Variants in PLCG2 observed in about 807,000 individuals in gnomAD.
PLCG2 encodes the protein 1-phosphatidylinositol 4,5-bisphosphate phosphodiesterase gamma-2.
PLCG2 carries 69 observed loss-of-function variants against 175.6 expected under a neutral mutation model. The observed-to-expected ratio is 0.39, with a 90% CI of 0.32 to 0.48. The LOEUF (loss-of-function observed/expected upper bound fraction) is 0.48. PLCG2 is among the 20% of genes least tolerant of loss of function. PLCG2 has a pLI of 0.91. For missense variants in PLCG2, 1,798 were observed against 1,650.9 expected (o/e 1.09, Z -1.54); for synonymous variants, 827 against 624.0 (o/e 1.33, Z -4.85).
At chr16:81,940,359 T>G (rs921078516) in intron 30 of PLCG2, among the ~76,000 whole-genome samples, 2 of 152,176 alleles carry the variant, frequency 1.3e-5, no homozygotes, top group African/African-American at 4.8e-5. Context: ...ACATGCGGTT[T>G]GCTTCTCCCT....
chr16:81,958,067 C>A lies in PLCG2; in HGVS notation c.*69C>A. 9.2e-7 allele frequency: 1 copy of A among 1,087,120 alleles called. No individual in the cohort carries two copies. The highest frequency in any genetic ancestry group is 1.4e-6 in the Non-Finnish European group (1 of 702,436). The allele number at this position is 1,087,120 out of a possible 1,614,324, so 67.3% of individuals were successfully genotyped here. On this transcript the variant is annotated 3_prime_UTR_variant, in exon 33 of 33. Transcript: ENST00000564138. ...GTGTTTGCATGTAGGAGAACGTGCC[C>A]TATTCACACTCTGGGAAGACGCTAA...
chr16:81,803,792 G>A (rs947138496), intron 2 of PLCG2, among the ~76,000 whole-genome samples: 4 of 151,124 alleles, frequency 2.6e-5, no homozygotes, highest in Non-Finnish European at 4.4e-5. Flanking sequence ...AGTGATTCTC[G>A]TGCCTCAGCC....
At position 81,927,173 on chromosome 16, in the gene PLCG2, A is replaced by C; in HGVS notation, c.2509A>C (p.Lys837Gln). The C allele has an allele frequency of 6.2e-7, 1 of 1,608,106 alleles. No individual in the cohort carries two copies. Among genetic ancestry groups the C allele is most frequent in the Non-Finnish European group, 8.5e-7 (1 of 1,174,520 alleles). The change falls in exon 23 of 33, where the codon AAG becomes CAG. Residue 837 changes from lysine to glutamine, a missense_variant. Transcript: ENST00000564138. Reference protein sequence around the residue: ...ISTADFEELEKQIIEDNPLGS... With the variant: ...ISTADFEELEQQIIEDNPLGS... ...AACTGCAGACTTCGAGGAGCTAGAA[A>C]AGCAGGTGAGTCCCCCTCTTCGATC...
chr16:81,804,147 G>C (rs561162635), intron 2 of PLCG2, among the ~76,000 whole-genome samples: 15 of 152,304 alleles, frequency 9.8e-5, no homozygotes, highest in African/African-American at 3.4e-4. Flanking sequence ...CAAAGCAGTT[G>C]CACCATTTAC....
At chr16:81,955,049 T>G (rs1226301339) in intron 31 of PLCG2, among the ~76,000 whole-genome samples, 1 of 152,184 alleles carries the variant, frequency 6.6e-6, no homozygotes, top group Non-Finnish European at 1.5e-5. Flanking sequence ...GGGAGGAAAG[T>G]CATTACTAAG....
At chr16:81,790,317 C>T (rs1273281887) in intron 2 of PLCG2, among the ~76,000 whole-genome samples, 2 of 152,096 alleles carry the variant, frequency 1.3e-5, no homozygotes, top group East Asian at 1.9e-4. Context: ...AGAGGGATGA[C>T]GTGATTGGAT....
intron 7 of PLCG2, among the ~76,000 whole-genome samples, chr16:81,873,012 G>T (rs745598896): frequency 6.6e-6 from 1 of 152,226 alleles, no homozygotes; most frequent in Non-Finnish European, 1.5e-5. Flanking sequence ...TTTCCTATCT[G>T]CCCAGATTTG....
At chr16:81,784,762 G>A (rs1230402925) in intron 1 of PLCG2, among the ~76,000 whole-genome samples, 6 of 152,112 alleles carry the variant, frequency 3.9e-5, no homozygotes, top group African/African-American at 1.4e-4. Context: ...TTCTTTTATG[G>A]GACTGGAAAT....
intron 30 of PLCG2, among the ~76,000 whole-genome samples, chr16:81,941,703 C>CT (rs5818362): frequency 0.22 from 32,679 of 146,136 alleles, 4,267 homozygotes; most frequent in African/African-American, 0.38. Flanking sequence ...TAAACTCCCC[C>CT]TTTTTTTTTT....
intron 1 of PLCG2, among the ~76,000 whole-genome samples, chr16:81,744,148 G>A (rs555127967): frequency 4.0e-5 from 6 of 150,236 alleles, no homozygotes; most frequent in South Asian, 2.1e-4. Flanking sequence ...GTGAGCCACC[G>A]TGCCCAGCCA....
At position 81,961,949 on chromosome 16, in the gene PLCG2, G is replaced by A. The variant is rs188200963; in HGVS notation, c.*3951G>A. 7.6e-5 allele frequency: 15 copies of A among 197,062 alleles called. No homozygotes were observed. Among genetic ancestry groups the A allele is most frequent in the East Asian group, 1.6e-4 (2 of 12,484 alleles). 12.2% of individuals were successfully genotyped at this position (197,062 alleles called of 1,614,324 possible). A position where few individuals can be genotyped will look rare whatever the true frequency, so the allele number is the denominator to read the frequency against. On this transcript the variant is annotated 3_prime_UTR_variant, in exon 33 of 33. Transcript: ENST00000564138. The stretch of plus-strand genomic sequence containing the variant: ...TCGGATGTGAGGGCGATCTGGCTGC[G>A]ACATCTGTCACCCCATTGATCGCCA...
chr16:81,851,536 G>A (rs1245625208), intron 2 of PLCG2, among the ~76,000 whole-genome samples: 1 of 151,924 alleles, frequency 6.6e-6, no homozygotes, highest in Admixed American at 6.6e-5. Flanking sequence ...TTGTTGAGGC[G>A]AAGTCTCACT....
intron 2 of PLCG2, among the ~76,000 whole-genome samples, chr16:81,805,237 T>G (rs143734787): frequency 2.0e-5 from 3 of 152,190 alleles, no homozygotes; most frequent in Non-Finnish European, 2.9e-5. Flanking sequence ...CGGTAGCTCA[T>G]GCCTGTAATC....
At chr16:81,816,542 A>G (rs1015178314) in intron 2 of PLCG2, among the ~76,000 whole-genome samples, 1 of 151,328 alleles carries the variant, frequency 6.6e-6, no homozygotes, top group African/African-American at 2.4e-5. Flanking sequence ...CCATGGTGCA[A>G]TCACAGCTCA....
intron 2 of PLCG2, among the ~76,000 whole-genome samples, chr16:81,801,392 C>G (rs543639638): frequency 6.6e-6 from 1 of 152,132 alleles, no homozygotes; most frequent in African/African-American, 2.4e-5. Flanking sequence ...AAAGACACTG[C>G]GTGGTGTGTA....
At chr16:81,893,624 C>A in intron 11 of PLCG2, 85 bp from the exon 12 acceptor site, 1 of 798,118 alleles carries the variant, frequency 1.3e-6, no homozygotes. Flanking sequence ...CGGAGAAGTT[C>A]CCCCACAACA....
chr16:81,904,573 C>A (rs181574733), intron 14 of PLCG2, among the ~76,000 whole-genome samples: 1 of 152,208 alleles, frequency 6.6e-6, no homozygotes, highest in South Asian at 2.1e-4. Context: ...TTGGGTCCCC[C>A]GCCACCCTGC....
At chr16:81,838,005 G>C (rs1260374181) in intron 2 of PLCG2, among the ~76,000 whole-genome samples, 1 of 152,140 alleles carries the variant, frequency 6.6e-6, no homozygotes, top group Non-Finnish European at 1.5e-5. Context: ...ATAGTCAAGA[G>C]ACTAAAGCAA....
chr16:81,946,378 C>A, intron 31 of PLCG2, 115 bp downstream of exon 31: 1 of 753,026 alleles, frequency 1.3e-6, no homozygotes, highest in South Asian at 1.5e-5. Context: ...ATTGTCTAGC[C>A]CAAGCATGAG....
Sources: gnomAD v4.1 joint callset for allele counts (sites outside exome capture counted in the v4.1 genomes callset) on GRCh38, gnomAD v4.1.1 for gene constraint, MANE v1.5 for transcripts, NCBI Gene and HGNC (gene_info 2026-07-23, HGNC 2026-07-21) for gene names.